AMTN: variants seen among roughly 807,000 people sequenced by gnomAD.
AMTN encodes amelotin.
In AMTN, 29 loss-of-function variants were observed where a neutral mutation model predicts 27.4. The observed-to-expected ratio is 1.06, with a 90% CI of 0.79 to 1.44. The LOEUF is 1.44. AMTN is among the 40% of genes most tolerant of loss of function. The pLI is 0.00. For missense variants in AMTN, 247 were observed against 248.8 expected, an observed-to-expected ratio of 0.99 and a Z score of 0.05; for synonymous variants, 86 against 95.7, an observed-to-expected ratio of 0.90 and a Z score of 0.59.
Position 70,532,565 on chromosome 4 carries a change from A to G in AMTN, c.*100A>G, listed in dbSNP as rs910620943. The stretch of plus-strand genomic sequence containing the variant: ...TGGAATAGATTGAGACACATTGGAT[A>G]GTCTTAGAAGAAATTAATTCTTAAT... On this transcript the variant is annotated 3_prime_UTR_variant, in exon 9 of 9. Coordinates refer to ENST00000339336, the MANE Select transcript of AMTN (RefSeq NM_212557.4). 1.6e-5 allele frequency: 17 copies of G among 1,047,538 alleles called. No homozygotes were observed. In the African/African-American group the frequency reaches 1.6e-4, roughly 10 times the overall value. 64.9% of individuals were successfully genotyped at this position (1,047,538 alleles called of 1,614,324 possible).
chr4:70,530,898 C>A (rs973361873), intron 7 of AMTN, 141 bp from the exon 8 acceptor site: 11 of 1,162,436 alleles, frequency 9.5e-6, no homozygotes, highest in African/African-American at 1.6e-5. Context: ...TGTATTTCCC[C>A]TGAGGAATGC....
At chr4:70,532,039 C>A (rs752434240) in intron 8 of AMTN, among the ~76,000 whole-genome samples, 6 of 152,162 alleles carry the variant, frequency 3.9e-5, no homozygotes, top group Non-Finnish European at 5.9e-5. Context: ...GTGTTCCTTG[C>A]CCCAATACAC....
intron 2 of AMTN, among the ~76,000 whole-genome samples, chr4:70,522,326 C>T (rs28405268): frequency 0.18 from 27,501 of 150,370 alleles, 2,787 homozygotes; most frequent in African/African-American, 0.27. Context: ...GTTACAAGAC[C>T]GATGTGGCAG....
intron 2 of AMTN, among the ~76,000 whole-genome samples, chr4:70,521,519 G>A (rs76690819): frequency 0.033 from 4,903 of 148,706 alleles, 243 homozygotes; most frequent in African/African-American, 0.1. Context: ...ATAGATTGTG[G>A]GAGATGAAAA....
At chr4:70,523,386 T>C (rs1736022034) in intron 3 of AMTN, among the ~76,000 whole-genome samples, 1 of 152,210 alleles carries the variant, frequency 6.6e-6, no homozygotes, top group East Asian at 1.9e-4. Flanking sequence ...ACTTCAACTC[T>C]TCCTCTGCTG....
At chr4:70,528,636 C>A (rs1207249972) in intron 5 of AMTN, 87 bp from the exon 6 acceptor site, 2 of 1,205,296 alleles carry the variant, frequency 1.7e-6, no homozygotes, top group Non-Finnish European at 1.2e-6. Flanking sequence ...GGCAACAGAG[C>A]AAGACTCCAT....
chr4:70,522,700 A>G (rs1736005502), intron 2 of AMTN, 55 bp from the exon 3 acceptor site: 1 of 1,562,512 alleles, frequency 6.4e-7, no homozygotes, highest in Non-Finnish European at 8.8e-7. Context: ...ATAAATGGAC[A>G]CAAAATCTTA....
chr4:70,532,614 T>G lies in AMTN; in HGVS notation c.*149T>G. ...ATTTACCTGAAAATATTCTTGAAAT[T>G]TCAGAAAATATGTTCTATGTAGAGA... On this transcript the variant is annotated 3_prime_UTR_variant, in exon 9 of 9. Transcript: ENST00000339336. The G allele has an allele frequency of 1.4e-6, 1 of 726,824 alleles. No homozygotes were observed. The highest frequency in any genetic ancestry group is 2.9e-5 in the East Asian group (1 of 34,480). 45.0% of individuals were successfully genotyped at this position (726,824 alleles called of 1,614,324 possible).
intron 7 of AMTN, among the ~76,000 whole-genome samples, chr4:70,529,547 T>A (rs1052863005): frequency 1.3e-5 from 2 of 152,222 alleles, no homozygotes; most frequent in African/African-American, 4.8e-5. Flanking sequence ...TAGAATAACA[T>A]AAATATTGAC....
At position 70,523,858 on chromosome 4, in the gene AMTN, T is replaced by A. The variant is rs1183665952; in HGVS notation, c.139-10T>A. ...CTCTTGTCTCATACATCACTTTCAA[T>A]CCCCTGCAGGTCTTTCCTTCTTTAA... On this transcript the variant is annotated splice_polypyrimidine_tract_variant and intron_variant, in intron 3 of 8. Coordinates refer to ENST00000339336, the MANE Select transcript of AMTN (RefSeq NM_212557.4). 5 of 1,612,704 alleles carry A rather than the reference T, an allele frequency of 3.1e-6. No individual in the cohort carries two copies. In the Admixed American group the frequency reaches 6.7e-5, roughly 22 times the overall value.
intron 2 of AMTN, among the ~76,000 whole-genome samples, 174 bp downstream of exon 2, chr4:70,519,005 C>G (rs1347734409): frequency 6.6e-6 from 1 of 152,160 alleles, no homozygotes. Context: ...GCTGTTGGTA[C>G]ATATTTCAAT....
chr4:70,532,679 G>T lies in AMTN; in HGVS notation c.*214G>T, dbSNP rs1358997894. The stretch of plus-strand genomic sequence containing the variant: ...AAACAATAATTCAATGGATAAATCT[G>T]TCTTTGAAATATAACATTATGCTGC... On this transcript the variant is annotated 3_prime_UTR_variant, in exon 9 of 9. Coordinates refer to ENST00000339336, the MANE Select transcript of AMTN (RefSeq NM_212557.4). 2.0e-6 allele frequency: 1 copy of T among 489,308 alleles called. No individual in the cohort carries two copies. The allele number at this position is 489,308 out of a possible 1,614,324, so 30.3% of individuals were successfully genotyped here.
At chr4:70,528,293 A>G (rs1736140567) in intron 5 of AMTN, among the ~76,000 whole-genome samples, 1 of 152,206 alleles carries the variant, frequency 6.6e-6, no homozygotes, top group Non-Finnish European at 1.5e-5. Context: ...ATGAATTTAT[A>G]TCTATGATTA....
chr4:70,531,122 T>A lies in AMTN; in HGVS notation c.441T>A (p.Asp147Glu), dbSNP rs745445475. 2.5e-6 allele frequency: 4 copies of A among 1,614,084 alleles called. No individual in the cohort carries two copies. The South Asian group carries it at 4.4e-5, about 18-fold the overall frequency. ...LPTSQAGANP[D>E]VQDGSLPAGG... is the part of the protein sequence containing the mutation. ...CCAGTCAGGCAGGGGCTAATCCAGATGTCCAGGATGGAAGCCTTCCAGCAG... is the reference window on the plus strand; with the variant it reads ...CCAGTCAGGCAGGGGCTAATCCAGAAGTCCAGGATGGAAGCCTTCCAGCAG... Residue 147 changes from aspartate (D) to glutamate (E), a missense_variant, in exon 8 of 9, where the codon GAT becomes GAA. Transcript: ENST00000339336.
In AMTN at chr4:70,528,725, G is replaced by A. The variant is rs1163219205; in HGVS notation, c.297G>A (p.Val99=). Residue 99 remains valine, a splice_region_variant and synonymous_variant, in exon 6 of 9, where the codon GTG becomes GTA. Transcript: ENST00000339336. The part of the protein sequence containing the change: ...LNVQQQLHPH[V]LPIFVTQLGA... Reference sequence around the variant, plus strand: ...GAGTTTTTCTCTCATTTTTTCAGGTGTTACCAATTTTTGTCACACAACTTG... The same window carrying A: ...GAGTTTTTCTCTCATTTTTTCAGGTATTACCAATTTTTGTCACACAACTTG... 1.2e-6 allele frequency: 2 copies of A among 1,606,922 alleles called. No individual in the cohort carries two copies. Among genetic ancestry groups the A allele is most frequent in the Non-Finnish European group, 1.7e-6 (2 of 1,177,582 alleles).
Position 70,531,224 on chromosome 4 carries a change from C to T in AMTN, c.543C>T (p.Asp181=), listed in dbSNP as rs745559990. Residue 181 remains aspartate, a synonymous_variant, in exon 8 of 9, where the codon GAC becomes GAT. Coordinates refer to ENST00000339336, the MANE Select transcript of AMTN (RefSeq NM_212557.4). ...CAACTCCCAGTGGCACAGATGACGA[C>T]TTTGCAGTGACCACCCCTGCAGGCA... ...RLPTPSGTDD[D]FAVTTPAGIQ... is the part of the protein sequence containing the mutation. The T allele has an allele frequency of 5.6e-6, 9 of 1,614,062 alleles. No individual in the cohort carries two copies. The South Asian group carries it at 8.8e-5, about 16-fold the overall frequency.
chr4:70,531,257 G>C lies in AMTN; in HGVS notation c.576G>C (p.Arg192Ser). 6.2e-7 allele frequency: 1 copy of C among 1,613,984 alleles called. No homozygotes were observed. The highest frequency in any genetic ancestry group is 1.7e-5 in the Admixed American group (1 of 60,014). The change falls in exon 8 of 9, where the codon AGG becomes AGC. Residue 192 changes from arginine to serine, a missense_variant. Coordinates refer to ENST00000339336, the MANE Select transcript of AMTN (RefSeq NM_212557.4). ...TGACCACCCCTGCAGGCATCCAAAG[G>C]AGCACACATGCCATCGAGGAAGCCA... Reference protein sequence around the residue: ...FAVTTPAGIQRSTHAIEEATT... With the variant: ...FAVTTPAGIQSSTHAIEEATT...
intron 8 of AMTN, 131 bp downstream of exon 8, chr4:70,531,431 C>A: frequency 8.7e-7 from 1 of 1,143,210 alleles, no homozygotes; most frequent in Non-Finnish European, 1.2e-6. Context: ...TACTCACTCA[C>A]AGTTAACTCC....
In AMTN at chr4:70,518,798, G is replaced by GTTTTGTC; in HGVS notation, c.24_30dup (p.Gly12SerfsTer136). 1 of 1,609,340 alleles carries GTTTTGTC rather than the reference G, an allele frequency of 6.2e-7. No individual in the cohort carries two copies. The highest frequency in any genetic ancestry group is 1.1e-5 in the South Asian group (1 of 90,982). ...GAAACATGAGGAGTACGATTCTACT[G>GTTTTGTC]TTTTGTCTTCTAGGATCAACTCGGT... On this transcript the variant is annotated frameshift_variant, in exon 2 of 9. Coordinates refer to ENST00000339336, the MANE Select transcript of AMTN (RefSeq NM_212557.4). LOFTEE classifies it high-confidence loss of function.
Sources: allele counts gnomAD v4.1 joint callset (sites outside exome capture counted in the v4.1 genomes callset), GRCh38; gene constraint gnomAD v4.1.1; transcripts MANE v1.5; gene names NCBI Gene and HGNC (gene_info 2026-07-23, HGNC 2026-07-21).